CAAP1: variants seen among roughly 807,000 people sequenced by gnomAD.
The protein encoded by CAAP1 is caspase activity and apoptosis inhibitor 1.
CAAP1 carries 20 observed loss-of-function variants against 34.0 expected under a neutral mutation model. The observed-to-expected ratio is 0.59, with a 90% CI of 0.41 to 0.86. The LOEUF (loss-of-function observed/expected upper bound fraction) is 0.86, where lower values mean the gene tolerates loss of function less well. Ranked by LOEUF, CAAP1 falls within the 40% of genes least tolerant of loss-of-function variation. The probability of loss-of-function intolerance (pLI) is 0.00; values close to 1 mark genes in which losing one functional copy is unlikely to be tolerated. For synonymous variants in CAAP1, 213 were observed against 166.7 expected, an observed-to-expected ratio of 1.28 and a Z score of -2.14; for missense variants, 538 against 450.5, an observed-to-expected ratio of 1.19 and a Z score of -1.76.
At chr9:26,858,523 T>C (rs1822927619) in intron 5 of CAAP1, among the ~76,000 whole-genome samples, 1 of 152,130 alleles carries the variant, frequency 6.6e-6, no homozygotes, top group South Asian at 2.1e-4. Flanking sequence ...CCCTGCTTTT[T>C]AAAAAAAGGT....
chr9:26,865,676 AT>A (rs1033338387), intron 4 of CAAP1, among the ~76,000 whole-genome samples: 1 of 152,140 alleles, frequency 6.6e-6, no homozygotes, highest in East Asian at 1.9e-4. Flanking sequence ...ATTTTGTAAC[AT>A]TTTTTTCCAA....
chr9:26,842,683 A>AAAT, intron 5 of CAAP1, 36 bp from the exon 6 acceptor site: 1 of 1,495,804 alleles, frequency 6.7e-7, no homozygotes, highest in East Asian at 2.3e-5. Flanking sequence ...CATGTAACCT[A>AAAT]AATACCATGG....
At chr9:26,862,837 T>C (rs919703940) in intron 4 of CAAP1, among the ~76,000 whole-genome samples, 17 of 152,120 alleles carry the variant, frequency 1.1e-4, no homozygotes, top group African/African-American at 3.9e-4. Flanking sequence ...GGTTACATAA[T>C]AGAGTATCTC....
At chr9:26,843,203 C>A (rs1027707337) in intron 5 of CAAP1, among the ~76,000 whole-genome samples, 3 of 152,144 alleles carry the variant, frequency 2.0e-5, no homozygotes, top group African/African-American at 4.8e-5. Context: ...ATGCCTAAGG[C>A]CATTTTCTAA....
At chr9:26,870,723 C>A (rs896974257) in intron 4 of CAAP1, among the ~76,000 whole-genome samples, 1 of 151,440 alleles carries the variant, frequency 6.6e-6, no homozygotes, top group Non-Finnish European at 1.5e-5. Context: ...TTCAGGTGAT[C>A]CCCCTGCCTC....
At chr9:26,885,418 C>A (rs994162339) in intron 3 of CAAP1, among the ~76,000 whole-genome samples, 1 of 152,062 alleles carries the variant, frequency 6.6e-6, no homozygotes, top group Non-Finnish European at 1.5e-5. Context: ...ATACAGACAA[C>A]AATGTGTGTA....
intron 5 of CAAP1, among the ~76,000 whole-genome samples, chr9:26,859,633 ATATGAT>A (rs1209098325): frequency 2.6e-5 from 4 of 152,178 alleles, no homozygotes; most frequent in African/African-American, 9.7e-5. Flanking sequence ...GTGTAAGGTA[ATATGAT>A]TATGATTATA....
chr9:26,854,805 T>C (rs968511584), intron 5 of CAAP1, among the ~76,000 whole-genome samples: 1 of 152,164 alleles, frequency 6.6e-6, no homozygotes, highest in Non-Finnish European at 1.5e-5. Flanking sequence ...ATGTTCAACA[T>C]CACATATCAT....
intron 4 of CAAP1, chr9:26,880,354 G>C: frequency 2.0e-5 from 6 of 304,312 alleles, no homozygotes; most frequent in South Asian, 1.7e-4. Context: ...TGGAAGGGAA[G>C]TGTGTGATTC....
At chr9:26,870,523 C>T (rs7872496) in intron 4 of CAAP1, among the ~76,000 whole-genome samples, 29,328 of 148,102 alleles carry the variant, frequency 0.2, 3,678 homozygotes, top group East Asian at 0.68. Context: ...ACGCCTAGAT[C>T]TCAGGGGTGT....
intron 5 of CAAP1, among the ~76,000 whole-genome samples, chr9:26,858,356 C>T (rs928900934): frequency 2.0e-5 from 3 of 152,138 alleles, no homozygotes; most frequent in African/African-American, 7.2e-5. Context: ...TGTTTGGTAA[C>T]TTCAAGCAAG....
chr9:26,857,353 C>T (rs748165349), intron 5 of CAAP1, among the ~76,000 whole-genome samples: 2 of 152,172 alleles, frequency 1.3e-5, no homozygotes, highest in East Asian at 1.9e-4. Context: ...AATTTCTGGC[C>T]GGGTATGGTG....
intron 4 of CAAP1, among the ~76,000 whole-genome samples, chr9:26,882,434 G>A (rs1336757339): frequency 1.3e-5 from 2 of 152,182 alleles, no homozygotes; most frequent in African/African-American, 4.8e-5. Context: ...GGTTGAGCCT[G>A]CAGTTGCATA....
chr9:26,868,973 C>T (rs1410598041), intron 4 of CAAP1, among the ~76,000 whole-genome samples: 3 of 151,958 alleles, frequency 2.0e-5, no homozygotes, highest in Non-Finnish European at 4.4e-5. Flanking sequence ...AGAATTATTG[C>T]TAATTACGTT....
chr9:26,885,327 A>G (rs1056931002), intron 3 of CAAP1, among the ~76,000 whole-genome samples: 15 of 152,172 alleles, frequency 9.9e-5, no homozygotes, highest in Admixed American at 3.3e-4. Context: ...CGCCCGCCTC[A>G]GCCTCCCAAA....
At chr9:26,859,668 TG>T (rs1481786780) in intron 5 of CAAP1, among the ~76,000 whole-genome samples, 1 of 152,216 alleles carries the variant, frequency 6.6e-6, no homozygotes, top group East Asian at 1.9e-4. Flanking sequence ...AAATAATATG[TG>T]TTTAGCATGT....
At chr9:26,868,923 T>C (rs1041655126) in intron 4 of CAAP1, among the ~76,000 whole-genome samples, 1 of 152,176 alleles carries the variant, frequency 6.6e-6, no homozygotes, top group Non-Finnish European at 1.5e-5. Context: ...TTACGGAACA[T>C]CCGGGAAAAT....
chr9:26,869,796 A>T, intron 4 of CAAP1: 1 of 223,574 alleles, frequency 4.5e-6, no homozygotes, highest in Non-Finnish European at 7.5e-6. Flanking sequence ...AATTTAGGAC[A>T]CTGTGAACAT....
chr9:26,887,701 C>T (rs974217362), intron 1 of CAAP1, among the ~76,000 whole-genome samples, 188 bp from the exon 2 acceptor site: 3 of 152,166 alleles, frequency 2.0e-5, no homozygotes, highest in Admixed American at 1.3e-4. Flanking sequence ...TCTCTCCACA[C>T]TGCAATTAAC....
Sources: allele counts gnomAD v4.1 joint callset (sites outside exome capture counted in the v4.1 genomes callset), GRCh38; gene constraint gnomAD v4.1.1; transcripts MANE v1.5; gene names NCBI Gene and HGNC (gene_info 2026-07-23, HGNC 2026-07-21).